SLC24A2: variants seen among roughly 807,000 people sequenced by gnomAD.
The protein encoded by SLC24A2 is solute carrier family 24 member 2, also known as sodium/potassium/calcium exchanger 2.
A neutral mutation model predicts 62.0 loss-of-function variants in SLC24A2; 36 were observed. That is an observed-to-expected ratio of 0.58 (90% CI 0.44 to 0.77). The LOEUF (loss-of-function observed/expected upper bound fraction) is 0.77. Among genes scored for constraint, SLC24A2 ranks in the 30% least tolerant of loss-of-function variants. The pLI, the probability that SLC24A2 is intolerant of heterozygous loss-of-function variation, is 0.00. For synonymous variants in SLC24A2, 358 were observed against 294.0 expected, an observed-to-expected ratio of 1.22 and a Z score of -2.23; for missense variants, 846 against 817.9, an observed-to-expected ratio of 1.03 and a Z score of -0.42.
At chr9:20,105,542 T>G in the SLC24A2 span, among the ~76,000 whole-genome samples, 3 of 151,782 alleles carry the variant, frequency 2.0e-5, no homozygotes, top group Non-Finnish European at 4.4e-5. Flanking sequence ...GGATTAAGAA[T>G]CTCACTCAAA....
the SLC24A2 span, among the ~76,000 whole-genome samples, chr9:20,203,095 T>C: frequency 5.5e-5 from 8 of 146,572 alleles, no homozygotes; most frequent in Non-Finnish European, 1.2e-4. Context: ...TTATCCACAC[T>C]AAAGTTGGAG....
the SLC24A2 span, among the ~76,000 whole-genome samples, chr9:20,130,779 C>A: frequency 6.6e-6 from 1 of 152,140 alleles, no homozygotes; most frequent in Non-Finnish European, 1.5e-5. Flanking sequence ...AGTTAGAAGA[C>A]TGTTGTGTTA....
the SLC24A2 span, among the ~76,000 whole-genome samples, chr9:19,972,052 A>C: frequency 3.9e-5 from 6 of 152,166 alleles, no homozygotes; most frequent in Admixed American, 3.3e-4. Flanking sequence ...TAGGGAACCA[A>C]ACAACAAACA....
intron 2 of SLC24A2, among the ~76,000 whole-genome samples, chr9:19,645,461 A>G (rs1402958309): frequency 1.3e-5 from 2 of 152,198 alleles, no homozygotes; most frequent in African/African-American, 4.8e-5. Flanking sequence ...GACATATTTC[A>G]TATGTTGTAG....
intron 7 of SLC24A2, among the ~76,000 whole-genome samples, chr9:19,554,308 A>ACTGT (rs1834978628): frequency 2.6e-5 from 4 of 152,352 alleles, no homozygotes; most frequent in African/African-American, 7.2e-5. Context: ...AAAGTGATAC[A>ACTGT]AATAAAAAGC....
chr9:20,148,295 A>T, the SLC24A2 span, among the ~76,000 whole-genome samples: 14 of 152,150 alleles, frequency 9.2e-5, no homozygotes, highest in Non-Finnish European at 1.3e-4. Context: ...GTCAATGATT[A>T]AAAAGTCTTG....
At chr9:19,796,546 G>C in the SLC24A2 span, among the ~76,000 whole-genome samples, 5 of 152,182 alleles carry the variant, frequency 3.3e-5, no homozygotes, top group Non-Finnish European at 4.4e-5. Context: ...ATCTTCCCCA[G>C]AATGGGGCAC....
the SLC24A2 span, among the ~76,000 whole-genome samples, chr9:19,947,111 G>A: frequency 6.6e-6 from 1 of 152,158 alleles, no homozygotes; most frequent in Non-Finnish European, 1.5e-5. Flanking sequence ...ACTGTGAGAT[G>A]GTCGAGCTGT....
At chr9:19,703,532 T>C (rs1486971575) in intron 2 of SLC24A2, among the ~76,000 whole-genome samples, 1 of 152,168 alleles carries the variant, frequency 6.6e-6, no homozygotes, top group East Asian at 1.9e-4. Flanking sequence ...TTTGACATAA[T>C]TGGCCCAAAG....
chr9:19,647,369 T>C (rs923287359), intron 2 of SLC24A2, among the ~76,000 whole-genome samples: 2 of 152,192 alleles, frequency 1.3e-5, no homozygotes, highest in East Asian at 1.9e-4. Flanking sequence ...TCTTCTTCAC[T>C]GGAAATTTTG....
chr9:19,925,702 A>T, the SLC24A2 span, among the ~76,000 whole-genome samples: 2 of 152,208 alleles, frequency 1.3e-5, no homozygotes, highest in Non-Finnish European at 2.9e-5. Flanking sequence ...AGGTTCCCTG[A>T]CTAGGGAGTG....
the SLC24A2 span, among the ~76,000 whole-genome samples, chr9:20,027,525 TA>T: frequency 1.3e-5 from 2 of 152,194 alleles, no homozygotes; most frequent in Non-Finnish European, 2.9e-5. Flanking sequence ...TAGAGGACAT[TA>T]CGTTAAGTAA....
chr9:19,903,487 G>C, the SLC24A2 span, among the ~76,000 whole-genome samples: 3 of 152,150 alleles, frequency 2.0e-5, no homozygotes, highest in Admixed American at 2.0e-4. Flanking sequence ...TTAATTCTGG[G>C]AAAACACAAA....
At chr9:19,542,158 C>T (rs927017301) in intron 8 of SLC24A2, among the ~76,000 whole-genome samples, 1 of 152,152 alleles carries the variant, frequency 6.6e-6, no homozygotes, top group African/African-American at 2.4e-5. Flanking sequence ...GCAGAAATCA[C>T]CCGTCTTCTG....
intron 2 of SLC24A2, among the ~76,000 whole-genome samples, chr9:19,700,451 T>A (rs1187644937): frequency 5.3e-5 from 8 of 152,236 alleles, no homozygotes; most frequent in Non-Finnish European, 1.5e-5. Context: ...TTTTGATATG[T>A]TAAAAATGTA....
At position 19,510,357 on chromosome 9, in the gene SLC24A2, T is replaced by C. The variant is rs892362812; in HGVS notation, c.*5796A>G. The C allele has an allele frequency of 7.3e-6, 1 of 136,456 alleles. No individual in the cohort carries two copies. Among genetic ancestry groups the C allele is most frequent in the African/African-American group, 2.8e-5 (1 of 35,468 alleles). The allele number at this position is 136,456 out of a possible 1,614,324, so 8.5% of individuals were successfully genotyped here. On this transcript the variant is annotated 3_prime_UTR_variant, in exon 11 of 11. Transcript: ENST00000341998. Reference sequence around the variant, plus strand: ...ATCTAAAGATAATTTTAATTGAAAATAGGTAAAGAGTCACATAGCGGTAAC... The same window carrying C: ...ATCTAAAGATAATTTTAATTGAAAACAGGTAAAGAGTCACATAGCGGTAAC...
the SLC24A2 span, among the ~76,000 whole-genome samples, chr9:20,273,641 T>A: frequency 6.6e-6 from 1 of 152,178 alleles, no homozygotes; most frequent in South Asian, 2.1e-4. Flanking sequence ...CCTTCCACCA[T>A]GATTGTGAGG....
At chr9:19,610,804 A>G (rs1371120210) in intron 4 of SLC24A2, among the ~76,000 whole-genome samples, 2 of 152,272 alleles carry the variant, frequency 1.3e-5, no homozygotes, top group East Asian at 1.9e-4. Context: ...AAGAAAATCT[A>G]CATGGCTAGA....
chr9:20,082,761 G>C, the SLC24A2 span, among the ~76,000 whole-genome samples: 1 of 152,186 alleles, frequency 6.6e-6, no homozygotes, highest in Non-Finnish European at 1.5e-5. Context: ...TTGTAGCTTG[G>C]AATTGATTTC....
Sources: gnomAD v4.1 joint callset for allele counts (sites outside exome capture counted in the v4.1 genomes callset) on GRCh38, gnomAD v4.1.1 for gene constraint, MANE v1.5 for transcripts, NCBI Gene and HGNC (gene_info 2026-07-23, HGNC 2026-07-21) for gene names.